The following IPCEF1 variants were observed in gnomAD, a reference collection of about 807,000 sequenced individuals.
IPCEF1 encodes the protein interactor protein for cytohesin exchange factors 1.
A neutral mutation model predicts 50.9 loss-of-function variants in IPCEF1; 31 were observed. The ratio of observed to expected loss-of-function variants is 0.61; its 90% CI spans 0.46 to 0.82. The LOEUF (loss-of-function observed/expected upper bound fraction) is 0.82, where lower values mean the gene tolerates loss of function less well. Ranked by LOEUF, IPCEF1 falls within the 40% of genes least tolerant of loss-of-function variation. The pLI, the probability that IPCEF1 is intolerant of heterozygous loss-of-function variation, is 0.00. For missense variants in IPCEF1, 458 were observed against 514.0 expected, an observed-to-expected ratio of 0.89 and a Z score of 1.05; for synonymous variants, 181 against 192.0, an observed-to-expected ratio of 0.94 and a Z score of 0.47.
intron 10 of IPCEF1, among the ~76,000 whole-genome samples, chr6:154,187,384 C>T (rs1365983716): frequency 6.6e-6 from 1 of 152,172 alleles, no homozygotes; most frequent in East Asian, 1.9e-4. Flanking sequence ...AGTGTTAGCT[C>T]TGTAGGGCTG....
At chr6:154,284,874 C>G (rs1425817271) in intron 2 of IPCEF1, among the ~76,000 whole-genome samples, 3 of 152,074 alleles carry the variant, frequency 2.0e-5, no homozygotes, top group Non-Finnish European at 4.4e-5. Flanking sequence ...GTGGTGTGCA[C>G]CTGTAGTCCC....
intron 3 of IPCEF1, among the ~76,000 whole-genome samples, chr6:154,264,109 T>C (rs1781688968): frequency 6.6e-6 from 1 of 151,968 alleles, no homozygotes; most frequent in Admixed American, 6.6e-5. Context: ...TCCTCTTATT[T>C]ATGCTCCTTG....
intron 5 of IPCEF1, among the ~76,000 whole-genome samples, chr6:154,232,937 G>C (rs1276818694): frequency 1.3e-5 from 2 of 150,336 alleles, no homozygotes; most frequent in African/African-American, 4.9e-5. Flanking sequence ...GAATGACCCA[G>C]AAATTAATGT....
At chr6:154,180,528 T>C (rs936372556) in intron 10 of IPCEF1, among the ~76,000 whole-genome samples, 2 of 152,048 alleles carry the variant, frequency 1.3e-5, no homozygotes, top group Non-Finnish European at 2.9e-5. Flanking sequence ...ATGAATGTGC[T>C]GCTCCCTTCT....
At chr6:154,177,796 T>G (rs1217075259) in intron 10 of IPCEF1, among the ~76,000 whole-genome samples, 1 of 152,114 alleles carries the variant, frequency 6.6e-6, no homozygotes, top group Non-Finnish European at 1.5e-5. Context: ...TGGGTATATA[T>G]CCAAAGGATT....
chr6:154,190,278 T>C (rs1047634338), intron 10 of IPCEF1, among the ~76,000 whole-genome samples: 2 of 151,588 alleles, frequency 1.3e-5, no homozygotes, highest in African/African-American at 2.4e-5. Context: ...AAAAAGCTAA[T>C]GGAAAAAATA....
chr6:154,344,778 T>A (rs1783993525), intron 1 of IPCEF1, among the ~76,000 whole-genome samples: 2 of 152,184 alleles, frequency 1.3e-5, no homozygotes, highest in South Asian at 4.1e-4. Flanking sequence ...ATTATTCAAC[T>A]TTTTTCTCCA....
intron 10 of IPCEF1, among the ~76,000 whole-genome samples, chr6:154,183,036 G>T (rs1310289665): frequency 1.3e-5 from 2 of 151,886 alleles, no homozygotes; most frequent in South Asian, 4.1e-4. Context: ...CTGGAGTGCA[G>T]TGGTGTGATC....
In IPCEF1 at chr6:154,201,469, C is replaced by A. The variant is rs563123941; in HGVS notation, c.538-1429G>T. ...TTTTAACTTTATTGGCCAACAAAAT[C>A]AAAAAATCTAGACTCCAGTACTCTA... On this transcript the variant is annotated intron_variant, in intron 9 of 11. Transcript: ENST00000367220. Among the ~76,000 whole-genome samples, 38 of 152,202 alleles carry A rather than the reference C, an allele frequency of 2.5e-4. 1 individual carries two copies. Among genetic ancestry groups the A allele is most frequent in the Admixed American group, 4.6e-4 (7 of 15,284 alleles).
intron 2 of IPCEF1, among the ~76,000 whole-genome samples, chr6:154,284,450 T>G (rs1428336372): frequency 6.6e-6 from 1 of 152,168 alleles, no homozygotes; most frequent in Non-Finnish European, 1.5e-5. Flanking sequence ...CCCAGACCCA[T>G]GCAGTTAGGA....
chr6:154,190,690 A>G (rs917885208), intron 10 of IPCEF1, among the ~76,000 whole-genome samples: 1 of 152,242 alleles, frequency 6.6e-6, no homozygotes, highest in Non-Finnish European at 1.5e-5. Context: ...ACTTGCATCC[A>G]TGCAATAATC....
chr6:154,325,515 A>T (rs907546798), intron 1 of IPCEF1, among the ~76,000 whole-genome samples: 2 of 152,222 alleles, frequency 1.3e-5, no homozygotes, highest in East Asian at 3.8e-4. Context: ...CAATTAAAAA[A>T]TAACTGGGTA....
intron 11 of IPCEF1, among the ~76,000 whole-genome samples, chr6:154,165,386 T>G (rs747990114): frequency 6.6e-6 from 1 of 152,204 alleles, no homozygotes; most frequent in Non-Finnish European, 1.5e-5. Context: ...CCTTCCAACA[T>G]GAACATGCAC....
chr6:154,290,854 A>G lies in IPCEF1; in HGVS notation c.-61-1098T>C, dbSNP rs562581307. On this transcript the variant is annotated intron_variant, in intron 1 of 11. Transcript: ENST00000367220. Reference sequence around the variant, plus strand: ...ATGTGCACATAGATTGAGAACTTCTATCTATTTTCCTGGAATTTTTCCAGT... The same window carrying G: ...ATGTGCACATAGATTGAGAACTTCTGTCTATTTTCCTGGAATTTTTCCAGT... Among the ~76,000 whole-genome samples the G allele has an allele frequency of 2.0e-5, 3 of 148,512 alleles. No homozygotes were observed. In the South Asian group the frequency reaches 6.3e-4, roughly 31 times the overall value.
chr6:154,223,805 T>C (rs1779047632), intron 5 of IPCEF1, among the ~76,000 whole-genome samples: 1 of 152,228 alleles, frequency 6.6e-6, no homozygotes, highest in Non-Finnish European at 1.5e-5. Flanking sequence ...CCCAAGTCTG[T>C]AGGCAGGGCC....
At chr6:154,331,842 G>GA (rs1313748515) in intron 1 of IPCEF1, among the ~76,000 whole-genome samples, 1 of 152,024 alleles carries the variant, frequency 6.6e-6, no homozygotes, top group Non-Finnish European at 1.5e-5. Flanking sequence ...CCACCCCAAG[G>GA]AAAAAATCAA....
At chr6:154,301,558 T>A (rs1782796405) in intron 1 of IPCEF1, among the ~76,000 whole-genome samples, 1 of 152,232 alleles carries the variant, frequency 6.6e-6, no homozygotes. Context: ...TGGCTGGTTC[T>A]CAATCCGTGT....
intron 10 of IPCEF1, among the ~76,000 whole-genome samples, chr6:154,195,735 C>G (rs1044179878): frequency 6.6e-6 from 1 of 151,972 alleles, no homozygotes; most frequent in African/African-American, 2.4e-5. Context: ...CTAGTTCCTC[C>G]CACTCAGCCC....
intron 3 of IPCEF1, among the ~76,000 whole-genome samples, chr6:154,263,095 A>G (rs1262362612): frequency 1.3e-5 from 2 of 151,876 alleles, no homozygotes; most frequent in Non-Finnish European, 2.9e-5. Context: ...CTTAAAATGG[A>G]ATTTTTCCTA....
Sources: gnomAD v4.1 joint callset for allele counts (sites outside exome capture counted in the v4.1 genomes callset) on GRCh38, gnomAD v4.1.1 for gene constraint, MANE v1.5 for transcripts, NCBI Gene and HGNC (gene_info 2026-07-23, HGNC 2026-07-21) for gene names.